The following SPATA9 variants were observed in gnomAD, a reference collection of about 807,000 sequenced individuals.
The protein encoded by SPATA9 is spermatogenesis-associated protein 9.
SPATA9 carries 27 observed loss-of-function variants against 25.5 expected under a neutral mutation model. The ratio of observed to expected loss-of-function variants is 1.06; its 90% CI spans 0.78 to 1.46. The LOEUF (loss-of-function observed/expected upper bound fraction) is 1.46. Among genes scored for constraint, SPATA9 ranks in the 40% most tolerant of loss-of-function variants. The probability of loss-of-function intolerance (pLI) is 0.00; values close to 1 mark genes in which losing one functional copy is unlikely to be tolerated. For synonymous variants in SPATA9, 102 were observed against 105.7 expected (o/e 0.97, Z 0.21); for missense variants, 282 against 297.5 (o/e 0.95, Z 0.38).
the SPATA9 span, among the ~76,000 whole-genome samples, chr5:95,721,775 A>G: frequency 6.6e-6 from 1 of 151,948 alleles, no homozygotes; most frequent in African/African-American, 2.4e-5. Context: ...AATCAGCAGG[A>G]AAAAAACAGA....
intron 3 of SPATA9, among the ~76,000 whole-genome samples, chr5:95,673,417 C>T (rs1752606187): frequency 6.6e-6 from 1 of 151,874 alleles, no homozygotes; most frequent in Non-Finnish European, 1.5e-5. Flanking sequence ...TGTATGTGTA[C>T]AATTGTGGCA....
chr5:95,691,496 C>T (rs1174459182), intron 1 of SPATA9, among the ~76,000 whole-genome samples: 1 of 152,120 alleles, frequency 6.6e-6, no homozygotes, highest in Non-Finnish European at 1.5e-5. Flanking sequence ...ATTTGACTAC[C>T]GTGGCTTAAT....
upstream of SPATA9, among the ~76,000 whole-genome samples, chr5:95,685,826 G>GT (rs1431868510): frequency 6.6e-6 from 1 of 152,044 alleles, no homozygotes; most frequent in Admixed American, 6.6e-5. Flanking sequence ...CTCAATGATA[G>GT]TTTTTTCGTT....
At chr5:95,731,090 G>A in the SPATA9 span, 2 of 1,098,710 alleles carry the variant, frequency 1.8e-6, no homozygotes, top group African/African-American at 3.4e-5. Context: ...CGGATTGGCG[G>A]CTGGGAGCTC....
chr5:95,717,776 A>G, the SPATA9 span: 3 of 152,276 alleles, frequency 2.0e-5, no homozygotes, highest in African/African-American at 7.2e-5. Context: ...GTGAGGAATC[A>G]TTATAATAAA....
chr5:95,731,134 T>A, the SPATA9 span: 1 of 1,020,896 alleles, frequency 9.8e-7, no homozygotes, highest in Non-Finnish European at 1.2e-6. Flanking sequence ...TAATTTATAT[T>A]CCGCGGCGCC....
At chr5:95,705,063 G>T in the SPATA9 span, among the ~76,000 whole-genome samples, 2 of 151,658 alleles carry the variant, frequency 1.3e-5, no homozygotes, top group African/African-American at 2.4e-5. Flanking sequence ...TCCCACTTTT[G>T]CTTCCCAAGC....
intron 3 of SPATA9, among the ~76,000 whole-genome samples, chr5:95,666,180 G>A (rs556091733): frequency 6.6e-5 from 10 of 152,240 alleles, no homozygotes; most frequent in Non-Finnish European, 1.5e-4. Flanking sequence ...CTTGCCCCTG[G>A]TAATATAGCT....
chr5:95,667,305 T>C (rs1751904812), intron 3 of SPATA9, among the ~76,000 whole-genome samples: 1 of 124,678 alleles, frequency 8.0e-6, no homozygotes, highest in Non-Finnish European at 1.6e-5. Context: ...TCTAGCCTAG[T>C]AGCTAAGAGT....
chr5:95,669,516 G>C (rs892081748), intron 3 of SPATA9, among the ~76,000 whole-genome samples: 1 of 152,124 alleles, frequency 6.6e-6, no homozygotes, highest in Non-Finnish European at 1.5e-5. Context: ...CATTGTAAAC[G>C]CTGAGGATTT....
chr5:95,687,704 G>A (rs10060639), upstream of SPATA9, among the ~76,000 whole-genome samples: 31,829 of 152,152 alleles, frequency 0.21, 3,916 homozygotes, highest in African/African-American at 0.35. Flanking sequence ...GCTATATAGA[G>A]GAGAGAATCG....
Position 95,674,623 on chromosome 5 carries a change from A to G in SPATA9, c.378+789T>C, listed in dbSNP as rs1321812372. The G allele has an allele frequency of 1.0e-5, 3 of 295,880 alleles. No individual in the cohort carries two copies. The Admixed American group carries it at 1.4e-4, about 13-fold the overall frequency. The allele number at this position is 295,880 out of a possible 1,614,324, so 18.3% of individuals were successfully genotyped here. A position where few individuals can be genotyped will look rare whatever the true frequency, so the allele number is the denominator to read the frequency against. On this transcript the variant is annotated intron_variant, in intron 3 of 4. Coordinates refer to ENST00000274432, the MANE Select transcript of SPATA9 (RefSeq NM_031952.4). ...GTCAGCCTAATAATGGAGTCAAGAC[A>G]GAAAGCAGAACCAAGACACTGAGCA...
the SPATA9 span, among the ~76,000 whole-genome samples, chr5:95,723,933 A>G: frequency 6.6e-6 from 1 of 152,238 alleles, no homozygotes; most frequent in Non-Finnish European, 1.5e-5. Context: ...TTACATGCAT[A>G]TGTTACTAAG....
the SPATA9 span, among the ~76,000 whole-genome samples, chr5:95,730,120 C>T: frequency 6.6e-6 from 1 of 151,954 alleles, no homozygotes; most frequent in African/African-American, 2.4e-5. Context: ...AGAATATCTC[C>T]CATTATATCC....
Position 95,675,472 on chromosome 5 carries a change from G to T in SPATA9, c.318C>A (p.Asp106Glu). The T allele has an allele frequency of 6.2e-7, 1 of 1,614,164 alleles. No individual in the cohort carries two copies. Among genetic ancestry groups the T allele is most frequent in the Non-Finnish European group, 8.5e-7 (1 of 1,180,026 alleles). The change falls in exon 3 of 5, where the codon GAC (aspartate) becomes GAA (glutamate). Residue 106 changes from aspartate (D) to glutamate (E), a missense_variant. Transcript: ENST00000274432. ...CTTCCCTCAGCAGACGACCAGATAT[G>T]TCCCTTAGCTCTAAAAGTCTGCATG... ...QLACRLLELR[D>E]ISGRLLREVN...
downstream of SPATA9, chr5:95,656,409 C>T (rs1750765032): frequency 1.1e-5 from 10 of 877,242 alleles, no homozygotes; most frequent in South Asian, 1.7e-5. Context: ...TCAACATAGG[C>T]ACAACTGTTT....
chr5:95,704,923 T>G, the SPATA9 span, among the ~76,000 whole-genome samples: 2 of 151,676 alleles, frequency 1.3e-5, no homozygotes, highest in Non-Finnish European at 2.9e-5. Flanking sequence ...ATAGGGGTAT[T>G]AATCCCATAC....
the SPATA9 span, among the ~76,000 whole-genome samples, chr5:95,724,654 C>T: frequency 5.6e-4 from 85 of 152,186 alleles, no homozygotes; most frequent in Middle Eastern, 3.4e-3. Flanking sequence ...TTAGTAGAGA[C>T]GGGGTTTCAA....
chr5:95,731,922 G>A, the SPATA9 span: 3 of 1,614,124 alleles, frequency 1.9e-6, no homozygotes, highest in South Asian at 2.2e-5. Context: ...ACCGGCCGTC[G>A]GGGCTTATCC....
Sources: allele counts gnomAD v4.1 joint callset (sites outside exome capture counted in the v4.1 genomes callset), GRCh38; gene constraint gnomAD v4.1.1; transcripts MANE v1.5; gene names NCBI Gene and HGNC (gene_info 2026-07-23, HGNC 2026-07-21).